Variants in XPO6 observed in about 807,000 individuals in gnomAD.
XPO6 encodes the protein exportin-6.
Under a neutral mutation model 130.0 loss-of-function variants are expected in XPO6, and 3 were observed. The ratio of observed to expected loss-of-function variants is 0.02; its 90% confidence interval spans 0.01 to 0.06. The LOEUF (loss-of-function observed/expected upper bound fraction) is 0.06. Among genes scored for constraint, XPO6 ranks in the 10% least tolerant of loss-of-function variants. The probability of loss-of-function intolerance (pLI) is 1.00; values close to 1 mark genes in which losing one functional copy is unlikely to be tolerated. For missense variants in XPO6, 970 were observed against 1,393.0 expected (o/e 0.70, Z 4.83); for synonymous variants, 524 against 548.9 (o/e 0.95, Z 0.63).
chr16:28,117,510 T>C (rs780378831), intron 14 of XPO6, 48 bp from the exon 15 acceptor site: 46 of 1,593,170 alleles, frequency 2.9e-5, no homozygotes, highest in Non-Finnish European at 3.7e-5. Flanking sequence ...GGTGAAAATA[T>C]ATTAGCGTTC....
chr16:28,190,513 C>T (rs1411080910), intron 1 of XPO6, among the ~76,000 whole-genome samples: 2 of 152,146 alleles, frequency 1.3e-5, no homozygotes, highest in African/African-American at 2.4e-5. Flanking sequence ...CCTGAGCCAG[C>T]GTGCCCAGCC....
At chr16:28,149,225 G>C (rs2043042643) in intron 8 of XPO6, among the ~76,000 whole-genome samples, 1 of 152,098 alleles carries the variant, frequency 6.6e-6, no homozygotes, top group Non-Finnish European at 1.5e-5. Context: ...GGAGCATTAA[G>C]ACAGAGACAT....
In XPO6 at chr16:28,113,011, C is replaced by T. The variant is rs759076630; in HGVS notation, c.2044G>A (p.Val682Ile). The T allele has an allele frequency of 1.2e-6, 2 of 1,614,020 alleles. No individual in the cohort carries two copies. The highest frequency in any genetic ancestry group is 1.3e-5 in the African/African-American group (1 of 75,000). The stretch of plus-strand genomic sequence containing the variant: ...GGCCGCACGGTGGTGGCCAGTGAGA[C>T]CAGTAAGTGGCACGCAGATAGCAGC... ...KLLLSACHLLVSLATTVRPVF... is the reference protein window; with the variant it reads ...KLLLSACHLLISLATTVRPVF... The change falls in exon 16 of 24, where the codon GTC becomes ATC. Residue 682 changes from valine to isoleucine, a missense_variant. By Grantham distance (29) the Val-to-Ile change is conservative (BLOSUM62 3). Transcript: ENST00000304658.
intron 4 of XPO6, among the ~76,000 whole-genome samples, chr16:28,174,139 C>A (rs79892772): frequency 6.6e-6 from 1 of 152,122 alleles, no homozygotes. Flanking sequence ...TTGGACAGAA[C>A]GCCAGGGAAG....
intron 14 of XPO6, among the ~76,000 whole-genome samples, chr16:28,118,563 G>A (rs2087134243): frequency 6.6e-6 from 1 of 152,106 alleles, no homozygotes; most frequent in Non-Finnish European, 1.5e-5. Context: ...GTCTATGTTG[G>A]CCAGGCTGGT....
In XPO6 at chr16:28,104,527, A is replaced by G; in HGVS notation, c.2946+19T>C. The G allele has an allele frequency of 6.2e-7, 1 of 1,613,508 alleles. No homozygotes were observed. Among genetic ancestry groups the G allele is most frequent in the Non-Finnish European group, 8.5e-7 (1 of 1,179,668 alleles). ...AGGTTAGAGGAAGTCACCTGGCAGC[A>G]ACCCCGCCCCCACGTTACCTGCATG... On this transcript the variant is annotated intron_variant, in intron 21 of 23. Coordinates refer to ENST00000304658, the MANE Select transcript of XPO6 (RefSeq NM_015171.4).
chr16:28,128,425 A>C (rs914170154), intron 12 of XPO6, among the ~76,000 whole-genome samples: 2 of 150,796 alleles, frequency 1.3e-5, no homozygotes, highest in Non-Finnish European at 1.5e-5. Context: ...TCGCACCTCC[A>C]CCTCCCCCCA....
chr16:28,209,169 G>A (rs182258205), intron 1 of XPO6: 1 of 152,104 alleles, frequency 6.6e-6, no homozygotes, highest in East Asian at 1.9e-4. Flanking sequence ...TAGGGCAGGG[G>A]AGAGACTGAA....
In XPO6 at chr16:28,163,580, G is replaced by A. The variant is rs534393833; in HGVS notation, c.643+2928C>T. Among the ~76,000 whole-genome samples the A allele has an allele frequency of 2.5e-4, 38 of 152,320 alleles. 1 individual carries two copies. The South Asian group carries it at 7.5e-3, about 30-fold the overall frequency. ...TGAGGCTGCTCAAGTGCAGCAGGAA[G>A]GAACAGCCTCAGCAGGCGGGGGGGC... On this transcript the variant is annotated intron_variant, in intron 6 of 23. Transcript: ENST00000304658.
intron 1 of XPO6, among the ~76,000 whole-genome samples, chr16:28,199,853 A>AT (rs1897009047): frequency 6.7e-6 from 1 of 150,028 alleles, no homozygotes; most frequent in Non-Finnish European, 1.5e-5. Context: ...CTCCTCATGA[A>AT]TTTTTTAAAA....
intron 15 of XPO6, among the ~76,000 whole-genome samples, chr16:28,113,945 ACT>A (rs1234528020): frequency 2.6e-5 from 4 of 152,198 alleles, no homozygotes; most frequent in Admixed American, 1.3e-4. Flanking sequence ...AAAACAATAC[ACT>A]GTTTAAAAAT....
chr16:28,139,944 T>C (rs1280230784), intron 9 of XPO6, among the ~76,000 whole-genome samples: 2 of 152,086 alleles, frequency 1.3e-5, no homozygotes, highest in African/African-American at 4.8e-5. Flanking sequence ...AAAGACAACA[T>C]GTACAGGCTG....
At chr16:28,135,536 T>C (rs1371351279) in intron 9 of XPO6, among the ~76,000 whole-genome samples, 1 of 152,022 alleles carries the variant, frequency 6.6e-6, no homozygotes, top group African/African-American at 2.4e-5. Flanking sequence ...AGGCACCATG[T>C]ATCTTCCTGA....
intron 9 of XPO6, among the ~76,000 whole-genome samples, chr16:28,140,692 A>T (rs868514446): frequency 6.7e-6 from 1 of 149,256 alleles, no homozygotes; most frequent in Non-Finnish European, 1.5e-5. Context: ...AAAAAAAAAA[A>T]ATTTTTTTTG....
At chr16:28,117,177 T>A (rs2087086856) in intron 15 of XPO6, 141 bp downstream of exon 15, 1 of 1,155,202 alleles carries the variant, frequency 8.7e-7, no homozygotes, top group Non-Finnish European at 1.2e-6. Flanking sequence ...AAAAGGAACA[T>A]GAAATAAAAC....
intron 2 of XPO6, among the ~76,000 whole-genome samples, chr16:28,178,560 G>A (rs1274150898): frequency 6.6e-6 from 1 of 151,512 alleles, no homozygotes; most frequent in African/African-American, 2.4e-5. Context: ...TGAATAGCTA[G>A]GATTATAAGC....
intron 7 of XPO6, 26 bp from the exon 8 acceptor site, chr16:28,152,811 C>T: frequency 4.4e-6 from 7 of 1,602,798 alleles, no homozygotes; most frequent in South Asian, 1.1e-5. Flanking sequence ...CAAAAGGTGA[C>T]AATAAGAAAC....
chr16:28,133,869 A>G lies in XPO6; in HGVS notation c.1508T>C (p.Leu503Pro), dbSNP rs1324061438. 1.2e-6 allele frequency: 2 copies of G among 1,613,922 alleles called. No individual in the cohort carries two copies. Among genetic ancestry groups the G allele is most frequent in the African/African-American group, 2.7e-5 (2 of 74,878 alleles). The change falls in exon 11 of 24, where the codon CTC becomes CCC. Residue 503 changes from leucine (L) to proline (P), a missense_variant. Transcript: ENST00000304658. ...TGTGGAGAAGGCGTGCGTGGGCAGG[A>G]GCTCCATCACTTTGGCCACCACCTC... is the stretch of plus-strand genomic sequence containing the variant. ...SLEVVAKVMELLPTHAFSTLF... is the reference protein window; with the variant it reads ...SLEVVAKVMEPLPTHAFSTLF...
chr16:28,122,643 T>TA (rs547990150), intron 13 of XPO6, among the ~76,000 whole-genome samples: 149 of 149,612 alleles, frequency 1.0e-3, no homozygotes, highest in Admixed American at 2.2e-3. Context: ...TGTTTTGTTT[T>TA]AAAAAAAAAA....
Sources: gnomAD v4.1 joint callset for allele counts (sites outside exome capture counted in the v4.1 genomes callset) on GRCh38, gnomAD v4.1.1 for gene constraint, MANE v1.5 for transcripts, NCBI Gene and HGNC (gene_info 2026-07-23, HGNC 2026-07-21) for gene names.